The following GLI3 variants were observed in gnomAD, a reference collection of about 807,000 sequenced individuals.
The protein encoded by GLI3 is GLI family zinc finger 3.
A neutral mutation model predicts 100.8 loss-of-function variants in GLI3; 20 were observed. The observed-to-expected ratio is 0.20, with a 90% confidence interval of 0.14 to 0.29. GLI3 has a LOEUF of 0.29. Ranked by LOEUF, GLI3 falls within the 10% of genes least tolerant of loss-of-function variation. GLI3 has a pLI of 1.00. For synonymous variants in GLI3, 938 were observed against 860.5 expected, an observed-to-expected ratio of 1.09 and a Z score of -1.58; for missense variants, 2,040 against 2,128.5, an observed-to-expected ratio of 0.96 and a Z score of 0.82.
At chr7:42,001,123 T>C (rs1465341764) in intron 10 of GLI3, among the ~76,000 whole-genome samples, 1 of 149,494 alleles carries the variant, frequency 6.7e-6, no homozygotes. Flanking sequence ...TGAGCGTCTG[T>C]AATCCCAGCT....
chr7:42,023,392 C>CA (rs2128730706), intron 10 of GLI3, 76 bp downstream of exon 10: 2 of 1,468,512 alleles, frequency 1.4e-6, no homozygotes, highest in East Asian at 4.5e-5. Context: ...TGACTCAGCT[C>CA]AGGGTCAGAG....
At chr7:42,153,464 T>A (rs1051941544) in intron 2 of GLI3, among the ~76,000 whole-genome samples, 1 of 151,494 alleles carries the variant, frequency 6.6e-6, no homozygotes, top group Non-Finnish European at 1.5e-5. Flanking sequence ...AAACTCTCCA[T>A]CATTAAATTA....
chr7:42,001,684 G>A (rs992226409), intron 10 of GLI3, among the ~76,000 whole-genome samples: 8 of 152,158 alleles, frequency 5.3e-5, no homozygotes, highest in Admixed American at 3.9e-4. Flanking sequence ...CAGCGTTGAA[G>A]TCAACTAACA....
Position 41,962,061 on chromosome 7 carries a change from T to C in GLI3, c.*2269A>G, listed in dbSNP as rs1236515836. ...GAGCAGAAGCACAAGACAACAACAG[T>C]GGTGGGCCGGATCACTGTGCATCCC... On this transcript the variant is annotated 3_prime_UTR_variant, in exon 15 of 15. Coordinates refer to ENST00000395925, the MANE Select transcript of GLI3 (RefSeq NM_000168.6). 3 of 151,474 alleles carry C rather than the reference T, an allele frequency of 2.0e-5. No individual in the cohort carries two copies. The highest frequency in any genetic ancestry group is 2.1e-4 in the South Asian group (1 of 4,794). The allele number at this position is 151,474 out of a possible 1,614,324, so 9.4% of individuals were successfully genotyped here. A position where few individuals can be genotyped will look rare whatever the true frequency, so the allele number is the denominator to read the frequency against.
chr7:42,211,355 T>A (rs1788270886), intron 2 of GLI3, among the ~76,000 whole-genome samples: 1 of 152,258 alleles, frequency 6.6e-6, no homozygotes, highest in Admixed American at 6.5e-5. Flanking sequence ...CAGGAACTGC[T>A]GTCAACGTTT....
chr7:42,077,003 T>A, intron 3 of GLI3, 146 bp from the exon 4 acceptor site: 1 of 694,150 alleles, frequency 1.4e-6, no homozygotes, highest in South Asian at 1.6e-5. Flanking sequence ...AGGTTAGTTA[T>A]GAAGCTCTGT....
At chr7:42,227,279 G>T (rs1362016223) in intron 1 of GLI3, among the ~76,000 whole-genome samples, 1 of 150,102 alleles carries the variant, frequency 6.7e-6, no homozygotes, top group Non-Finnish European at 1.5e-5. Flanking sequence ...TGCTTAAGGG[G>T]AAAAATGTTT....
intron 10 of GLI3, among the ~76,000 whole-genome samples, chr7:41,999,237 G>A (rs2128721054): frequency 1.3e-5 from 2 of 152,186 alleles, no homozygotes; most frequent in South Asian, 4.2e-4. Context: ...AAGTGACCTA[G>A]GACACCTGCC....
In GLI3 at chr7:42,026,221, G is replaced by A. The variant is rs1789108392; in HGVS notation, c.1220C>T (p.Ser407Phe). Residue 407 changes from serine (S) to phenylalanine (F), a missense_variant, in exon 8 of 15, where the codon TCC (serine) becomes TTC (phenylalanine). Ser to Phe is a radical substitution (Grantham distance 155). This residue lies in a region of GLI3 where 603 missense variants were observed against 690.9 expected (regional missense o/e 0.87). Coordinates refer to ENST00000395925, the MANE Select transcript of GLI3 (RefSeq NM_000168.6). ...PTVLNPVQVS[S>F]GPSESSQNKP... is the part of the protein sequence containing the mutation. Reference sequence around the variant, plus strand: ...CACCTGTGAGGACTCAGAAGGGCCGGAGCTGACCTGGACGGGGTTCAGAAC... The same window carrying A: ...CACCTGTGAGGACTCAGAAGGGCCGAAGCTGACCTGGACGGGGTTCAGAAC... The A allele has an allele frequency of 6.2e-7, 1 of 1,613,422 alleles. No individual in the cohort carries two copies. The highest frequency in any genetic ancestry group is 1.1e-5 in the South Asian group (1 of 90,898).
At chr7:42,131,224 C>A (rs998864766) in intron 3 of GLI3, among the ~76,000 whole-genome samples, 1 of 152,160 alleles carries the variant, frequency 6.6e-6, no homozygotes, top group Non-Finnish European at 1.5e-5. Flanking sequence ...TCTAGAGATT[C>A]CTCGTTCAGA....
chr7:42,128,375 T>G (rs1786188155), intron 3 of GLI3, among the ~76,000 whole-genome samples: 1 of 152,150 alleles, frequency 6.6e-6, no homozygotes, highest in South Asian at 2.1e-4. Context: ...AAATAAAAAG[T>G]GACATTTTTC....
Position 42,148,483 on chromosome 7 carries a change from A to C in GLI3, c.125-15T>G. On this transcript the variant is annotated splice_polypyrimidine_tract_variant and intron_variant, in intron 2 of 14. Transcript: ENST00000395925. ...ACTTTCATCCTCTAAAGAAAGAAGA[A>C]AAATGAAAGACTCTGTAAACTACTT... The C allele has an allele frequency of 6.2e-7, 1 of 1,611,478 alleles. No individual in the cohort carries two copies. The highest frequency in any genetic ancestry group is 1.7e-4 in the Middle Eastern group (1 of 5,980).
intron 3 of GLI3, among the ~76,000 whole-genome samples, chr7:42,124,802 G>C (rs1786086460): frequency 6.6e-6 from 1 of 152,138 alleles, no homozygotes; most frequent in African/African-American, 2.4e-5. Flanking sequence ...TGGTGCTGCT[G>C]TGTGTGTGAA....
Position 41,965,701 on chromosome 7 carries a change from G to A in GLI3, c.3372C>T (p.His1124=), listed in dbSNP as rs542238121. The A allele has an allele frequency of 6.2e-6, 10 of 1,613,740 alleles. No individual in the cohort carries two copies. Among genetic ancestry groups the A allele is most frequent in the South Asian group, 5.5e-5 (5 of 91,082 alleles). ...CGGGCGCGTCAAAGTCACCGGGCCCGTGGGGCACTTTGCTGTCGTCCGGGA... is the reference window on the plus strand; with the variant it reads ...CGGGCGCGTCAAAGTCACCGGGCCCATGGGGCACTTTGCTGTCGTCCGGGA... ...SALPDDSKVP[H]GPGDFDAPGL... The change falls in exon 15 of 15, where the codon CAC becomes CAT. Residue 1124 remains histidine (H), a synonymous_variant. Coordinates refer to ENST00000395925, the MANE Select transcript of GLI3 (RefSeq NM_000168.6).
chr7:42,174,147 A>G (rs553265663), intron 2 of GLI3, among the ~76,000 whole-genome samples: 108 of 152,268 alleles, frequency 7.1e-4, no homozygotes, highest in Middle Eastern at 3.4e-3. Flanking sequence ...AAAATACTAG[A>G]TAAAACATAA....
intron 1 of GLI3, among the ~76,000 whole-genome samples, chr7:42,250,211 G>T (rs1789017454): frequency 1.3e-5 from 2 of 152,140 alleles, no homozygotes; most frequent in African/African-American, 4.8e-5. Flanking sequence ...GGTTGTGATG[G>T]TTGGAAAATC....
chr7:42,215,084 T>C (rs749474729), intron 2 of GLI3, among the ~76,000 whole-genome samples: 23 of 152,170 alleles, frequency 1.5e-4, no homozygotes, highest in Non-Finnish European at 3.2e-4. Flanking sequence ...AAGCAGCTAC[T>C]GAAGTTCCTA....
At chr7:42,172,198 G>A (rs893668132) in intron 2 of GLI3, among the ~76,000 whole-genome samples, 9 of 151,820 alleles carry the variant, frequency 5.9e-5, no homozygotes, top group African/African-American at 2.2e-4. Flanking sequence ...CTCTTCATAA[G>A]AGAAGTTTTA....
intron 3 of GLI3, among the ~76,000 whole-genome samples, chr7:42,116,491 A>G (rs1785860248): frequency 6.6e-6 from 1 of 151,850 alleles, no homozygotes; most frequent in South Asian, 2.1e-4. Context: ...CAAAAAGAAA[A>G]AAAAAAAAAA....
Sources: allele counts gnomAD v4.1 joint callset (sites outside exome capture counted in the v4.1 genomes callset), GRCh38; gene constraint gnomAD v4.1.1; regional missense constraint gnomAD v4.1.1; transcripts MANE v1.5; gene names NCBI Gene and HGNC (gene_info 2026-07-23, HGNC 2026-07-21).